The following GREM2 variants were observed in gnomAD, a reference collection of about 807,000 sequenced individuals.
GREM2 encodes the protein gremlin 2, DAN family BMP antagonist, also known as gremlin-2.
GREM2 carries 11 observed loss-of-function variants against 14.2 expected under a neutral mutation model. That is an observed-to-expected ratio of 0.78 (90% CI 0.49 to 1.28). GREM2 has a LOEUF of 1.28. GREM2 is among the 50% of genes most tolerant of loss of function. The pLI is 0.00. For missense variants in GREM2, 210 were observed against 218.5 expected, an observed-to-expected ratio of 0.96 and a Z score of 0.24; for synonymous variants, 98 against 97.6, an observed-to-expected ratio of 1.00 and a Z score of -0.02.
intron 1 of GREM2, among the ~76,000 whole-genome samples, chr1:240,589,590 C>A (rs561557350): frequency 2.0e-4 from 31 of 152,238 alleles, no homozygotes; most frequent in Non-Finnish European, 3.7e-4. Context: ...CCTAAGGGTG[C>A]CTTGTTCCTA....
At chr1:240,546,297 C>G (rs1170123279) in intron 1 of GREM2, among the ~76,000 whole-genome samples, 1 of 151,854 alleles carries the variant, frequency 6.6e-6, no homozygotes, top group Non-Finnish European at 1.5e-5. Flanking sequence ...CAAGATCGCG[C>G]TACTGCACTC....
intron 1 of GREM2, among the ~76,000 whole-genome samples, chr1:240,534,034 G>A (rs542864441): frequency 1.3e-5 from 2 of 152,294 alleles, no homozygotes; most frequent in Non-Finnish European, 2.9e-5. Flanking sequence ...TGAATCAAAC[G>A]TGGAAAATGC....
intron 1 of GREM2, among the ~76,000 whole-genome samples, chr1:240,502,431 C>A (rs976163453): frequency 6.6e-6 from 1 of 152,126 alleles, no homozygotes; most frequent in Non-Finnish European, 1.5e-5. Context: ...TTTCTGTGCT[C>A]TCCTCTTAAA....
chr1:240,553,365 C>G (rs2103340750), intron 1 of GREM2, among the ~76,000 whole-genome samples: 1 of 152,244 alleles, frequency 6.6e-6, no homozygotes, highest in South Asian at 2.1e-4. Flanking sequence ...ATAATACATG[C>G]AATTTTTATT....
intron 1 of GREM2, among the ~76,000 whole-genome samples, chr1:240,609,584 T>C (rs1680093661): frequency 6.6e-6 from 1 of 152,138 alleles, no homozygotes; most frequent in Non-Finnish European, 1.5e-5. Flanking sequence ...ACGTTTTCCC[T>C]GGTTGAAATA....
intron 1 of GREM2, among the ~76,000 whole-genome samples, chr1:240,498,801 G>A (rs1461645426): frequency 6.6e-6 from 1 of 152,168 alleles, no homozygotes; most frequent in African/African-American, 2.4e-5. Context: ...CTCACATCTT[G>A]TATTTGGCTT....
intron 1 of GREM2, among the ~76,000 whole-genome samples, chr1:240,556,169 A>G (rs1470599786): frequency 1.3e-5 from 2 of 152,220 alleles, no homozygotes; most frequent in Non-Finnish European, 2.9e-5. Context: ...CGCCGGGCAC[A>G]GTGGAACACA....
chr1:240,590,533 G>A (rs769253407), intron 1 of GREM2, among the ~76,000 whole-genome samples: 32 of 151,330 alleles, frequency 2.1e-4, no homozygotes, highest in Non-Finnish European at 4.0e-4. Flanking sequence ...GGGTTCAAGC[G>A]ATTCTCCTGC....
chr1:240,498,697 T>C (rs2103274563), intron 1 of GREM2, among the ~76,000 whole-genome samples: 1 of 152,316 alleles, frequency 6.6e-6, no homozygotes, highest in South Asian at 2.1e-4. Flanking sequence ...CTGAACCACT[T>C]TGCTAATCAG....
At chr1:240,516,015 C>A (rs1166519504) in intron 1 of GREM2, among the ~76,000 whole-genome samples, 1 of 152,082 alleles carries the variant, frequency 6.6e-6, no homozygotes, top group Non-Finnish European at 1.5e-5. Context: ...AAGAGCTAAG[C>A]CTTTATGGTA....
At chr1:240,581,065 C>T (rs191102447) in intron 1 of GREM2, among the ~76,000 whole-genome samples, 29 of 152,016 alleles carry the variant, frequency 1.9e-4, no homozygotes, top group African/African-American at 5.8e-4. Context: ...GCCTGGACAA[C>T]GTGGTGAAAC....
At chr1:240,549,949 G>C (rs1188967112) in intron 1 of GREM2, 1 of 152,328 alleles carries the variant, frequency 6.6e-6, no homozygotes, top group African/African-American at 2.4e-5. Flanking sequence ...GAGTAGAAAG[G>C]ATGGAGGAAG....
chr1:240,514,278 G>GAAATAA (rs1212584252), intron 1 of GREM2, among the ~76,000 whole-genome samples: 1 of 135,850 alleles, frequency 7.4e-6, no homozygotes, highest in East Asian at 2.2e-4. Flanking sequence ...AAGCGTTTCA[G>GAAATAA]AAATAAAAAC....
chr1:240,518,008 AC>A (rs1677988690), intron 1 of GREM2, among the ~76,000 whole-genome samples: 1 of 152,158 alleles, frequency 6.6e-6, no homozygotes, highest in Non-Finnish European at 1.5e-5. Flanking sequence ...TCCTACATAG[AC>A]CCACTGCCTA....
chr1:240,536,423 G>A (rs1361212872), intron 1 of GREM2, among the ~76,000 whole-genome samples: 1 of 152,226 alleles, frequency 6.6e-6, no homozygotes, highest in African/African-American at 2.4e-5. Context: ...TAAAGAAAAT[G>A]TGCAGGGATG....
chr1:240,536,131 A>G (rs996256745), intron 1 of GREM2, among the ~76,000 whole-genome samples: 11 of 152,218 alleles, frequency 7.2e-5, no homozygotes, highest in African/African-American at 2.7e-4. Flanking sequence ...TTGATTAAGA[A>G]AAAAAGCCCT....
At chr1:240,545,358 C>T (rs751896638) in intron 1 of GREM2, among the ~76,000 whole-genome samples, 2 of 152,240 alleles carry the variant, frequency 1.3e-5, no homozygotes, top group Non-Finnish European at 2.9e-5. Flanking sequence ...CTCCACGCCT[C>T]TTCGTGCGTG....
chr1:240,563,203 AAGTG>A (rs1276641907), intron 1 of GREM2, among the ~76,000 whole-genome samples: 2 of 149,976 alleles, frequency 1.3e-5, no homozygotes, highest in African/African-American at 2.5e-5. Context: ...GAGTGTGTGT[AAGTG>A]AGTGTGTGTT....
At chr1:240,564,576 T>C (rs1195961899) in intron 1 of GREM2, among the ~76,000 whole-genome samples, 1 of 152,010 alleles carries the variant, frequency 6.6e-6, no homozygotes, top group Non-Finnish European at 1.5e-5. Context: ...ATGATGATTT[T>C]AAGTTGTGTC....
Sources: allele counts gnomAD v4.1 joint callset (sites outside exome capture counted in the v4.1 genomes callset), GRCh38; gene constraint gnomAD v4.1.1; transcripts MANE v1.5; gene names NCBI Gene and HGNC (gene_info 2026-07-23, HGNC 2026-07-21).